The following MACF1 variants were observed in gnomAD, a reference collection of about 807,000 sequenced individuals.
MACF1 encodes the protein microtubule actin crosslinking factor 1, also known as microtubule-actin cross-linking factor 1.
A neutral mutation model predicts 854.8 loss-of-function variants in MACF1; 193 were observed. The observed-to-expected ratio is 0.23, with a 90% CI of 0.20 to 0.25. The LOEUF (loss-of-function observed/expected upper bound fraction) is 0.25. Among genes scored for constraint, MACF1 ranks in the 10% least tolerant of loss-of-function variants. MACF1 has a pLI of 1.00. For missense variants in MACF1, 7,722 were observed against 8,929.1 expected (o/e 0.86, Z 5.45); for synonymous variants, 3,185 against 3,226.7 (o/e 0.99, Z 0.44).
rs1286769134 is a variant in MACF1, at chr1:39,409,807, T to C, written c.15817-12567T>C. 6.5e-6 allele frequency: 1 copy of C among 154,778 alleles called. No individual in the cohort carries two copies. Among genetic ancestry groups the C allele is most frequent in the Non-Finnish European group, 1.4e-5 (1 of 69,920 alleles). The allele number at this position is 154,778 out of a possible 1,614,324, so 9.6% of individuals were successfully genotyped here. On this transcript the variant is annotated intron_variant, in intron 58 of 100. Transcript: ENST00000564288. The surrounding 1 kb of genome is among the most constrained non-coding windows in gnomAD (Gnocchi z 4.2). ...CTGAGGATAAAATGAAAGGAATTCT[T>C]AGGAGCTTGGGCCATACTTGAAGAC...
chr1:39,241,625 A>C (rs1413273925), intron 2 of MACF1, among the ~76,000 whole-genome samples: 2 of 137,178 alleles, frequency 1.5e-5, no homozygotes, highest in East Asian at 2.3e-4. Context: ...ACACCACTGC[A>C]TTCCGGCCTG....
Position 39,325,843 on chromosome 1 carries a change from G to A in MACF1, c.4478+1109G>A, listed in dbSNP as rs138476536. Among the ~76,000 whole-genome samples the A allele has an allele frequency of 2.9e-3, 435 of 152,306 alleles. 2 individuals are homozygous for A. The highest frequency in any genetic ancestry group is 0.01 in the African/African-American group (425 of 41,570). On this transcript the variant is annotated intron_variant, in intron 35 of 100. Coordinates refer to ENST00000564288, the MANE Select transcript of MACF1 (RefSeq NM_001394062.1). ...AGGTTTGTTGAAAGGATGGTGCCGA[G>A]GAGAAAGGAAGAGGGACTTGGCTGG...
chr1:39,357,672 A>C lies in MACF1; in HGVS notation c.11722A>C (p.Ser3908Arg). The stretch of plus-strand genomic sequence containing the variant: ...GCTGGAGAACATGCATAAGGGAGGC[A>C]GCAGCCCCGAGACCCTTCCCTCCCT... ...KELENMHKGG[S>R]SPETLPSLLK... is the part of the protein sequence containing the mutation. Residue 3908 changes from serine to arginine, a missense_variant, in exon 45 of 101, where the codon AGC becomes CGC. This residue lies in a region of MACF1 where 2,807 missense variants were observed against 3,235.8 expected (regional missense o/e 0.87). Transcript: ENST00000564288. 3.1e-6 allele frequency: 5 copies of C among 1,614,210 alleles called. No homozygotes were observed. Among genetic ancestry groups the C allele is most frequent in the Non-Finnish European group, 4.2e-6 (5 of 1,180,034 alleles).
At chr1:39,404,891 T>C (rs1642633821) in intron 58 of MACF1, among the ~76,000 whole-genome samples, 1 of 152,212 alleles carries the variant, frequency 6.6e-6, no homozygotes, top group Admixed American at 6.5e-5. Flanking sequence ...ATTCCCTCCA[T>C]AAAGCCTTCT....
chr1:39,316,541 T>C lies in MACF1; in HGVS notation c.3588+12T>C, dbSNP rs779081068. 1 of 1,608,522 alleles carries C rather than the reference T, an allele frequency of 6.2e-7. No individual in the cohort carries two copies. Among genetic ancestry groups the C allele is most frequent in the South Asian group, 1.1e-5 (1 of 90,328 alleles). On this transcript the variant is annotated intron_variant, in intron 28 of 100. Transcript: ENST00000564288. ...GGTCGACATTACGGGTGAGTTGCTC[T>C]GAGTTTCTTAGGAGGTTGACCTAAC... is the stretch of plus-strand genomic sequence containing the variant.
intron 80 of MACF1, 22 bp from the exon 81 acceptor site, chr1:39,447,410 G>C: frequency 1.2e-6 from 2 of 1,612,404 alleles, no homozygotes; most frequent in Admixed American, 1.7e-5. Flanking sequence ...TTCTGTGTGT[G>C]TGTGTTTTAC....
At chr1:39,288,995 G>A (rs1370655124) in intron 15 of MACF1, among the ~76,000 whole-genome samples, 5 of 152,136 alleles carry the variant, frequency 3.3e-5, no homozygotes, top group Admixed American at 2.0e-4. Flanking sequence ...TGCATTGTTT[G>A]TCTTTCTGTG....
intron 99 of MACF1, among the ~76,000 whole-genome samples, chr1:39,483,069 G>A (rs6691194): frequency 0.58 from 74,058 of 127,246 alleles, 22,563 homozygotes; most frequent in South Asian, 0.78. Flanking sequence ...TCTGGGTGAT[G>A]GAGCAAGACT....
chr1:39,324,785 G>T (rs764931917), intron 35 of MACF1, 51 bp downstream of exon 35: 32 of 1,362,954 alleles, frequency 2.3e-5, no homozygotes, highest in Non-Finnish European at 3.2e-5. Context: ...TGGTCTATCA[G>T]TCTAAAACTT....
At chr1:39,340,274 T>C (rs1646908353) in intron 38 of MACF1, among the ~76,000 whole-genome samples, 1 of 152,224 alleles carries the variant, frequency 6.6e-6, no homozygotes, top group Non-Finnish European at 1.5e-5. Context: ...ACATTTTTTT[T>C]TTAAGCAATG....
chr1:39,408,252 C>T (rs907020232), intron 58 of MACF1, among the ~76,000 whole-genome samples: 1 of 152,110 alleles, frequency 6.6e-6, no homozygotes, highest in Non-Finnish European at 1.5e-5. Context: ...CAGAGAAATC[C>T]TGGTGGGAGA....
At chr1:39,433,581 GT>G (rs940858699) in intron 68 of MACF1, among the ~76,000 whole-genome samples, 4 of 152,040 alleles carry the variant, frequency 2.6e-5, no homozygotes, top group Non-Finnish European at 5.9e-5. Flanking sequence ...ATTTCGTTTT[GT>G]TTTGTTTCAT....
chr1:39,449,379 T>C (rs1644288771), intron 84 of MACF1, among the ~76,000 whole-genome samples: 1 of 152,154 alleles, frequency 6.6e-6, no homozygotes, highest in East Asian at 1.9e-4. Context: ...TATTACAATA[T>C]TGCTACCCTA....
chr1:39,361,716 G>C, intron 49 of MACF1, 39 bp downstream of exon 49: 1 of 1,599,762 alleles, frequency 6.3e-7, no homozygotes, highest in Admixed American at 1.7e-5. Context: ...ATAAAGGGAA[G>C]AGAAGGGCAG....
At chr1:39,369,397 T>G (rs983096257) in intron 50 of MACF1, among the ~76,000 whole-genome samples, 3 of 152,198 alleles carry the variant, frequency 2.0e-5, no homozygotes, top group Non-Finnish European at 2.9e-5. Flanking sequence ...AAACCAACAT[T>G]ATTAGCAGCA....
Position 39,350,942 on chromosome 1 carries a change from T to C in MACF1, c.11123T>C (p.Leu3708Pro). The C allele has an allele frequency of 6.2e-7, 1 of 1,614,092 alleles. No individual in the cohort carries two copies. The highest frequency in any genetic ancestry group is 8.5e-7 in the Non-Finnish European group (1 of 1,179,998). Reference protein sequence around the residue: ...LHQAKEQYEALQEETRVAQKE... With the variant: ...LHQAKEQYEAPQEETRVAQKE... ...CAGGCTAAGGAGCAATATGAGGCGC[T>C]CCAGGAAGAGACACGTGTGGCCCAG... is the stretch of plus-strand genomic sequence containing the variant. The change falls in exon 43 of 101, where the codon CTC becomes CCC. Residue 3708 changes from leucine (L) to proline (P), a missense_variant. By Grantham distance (98) the Leu-to-Pro change is moderately conservative. This residue lies in a region of MACF1 where 2,807 missense variants were observed against 3,235.8 expected (regional missense o/e 0.87). Coordinates refer to ENST00000564288, the MANE Select transcript of MACF1 (RefSeq NM_001394062.1).
chr1:39,258,886 A>C (rs1192455536), intron 6 of MACF1, among the ~76,000 whole-genome samples: 1 of 152,134 alleles, frequency 6.6e-6, no homozygotes, highest in Non-Finnish European at 1.5e-5. Flanking sequence ...CTGAGAGAAA[A>C]ATCTGAGTGC....
At chr1:39,184,251 T>G (rs79527973) in intron 2 of MACF1, among the ~76,000 whole-genome samples, 2,973 of 152,326 alleles carry the variant, frequency 0.02, 53 homozygotes, top group Non-Finnish European at 0.029. Flanking sequence ...CATGGACTTC[T>G]TTTTCATGCA....
At chr1:39,479,522 C>T (rs1644976279) in intron 97 of MACF1, among the ~76,000 whole-genome samples, 1 of 152,134 alleles carries the variant, frequency 6.6e-6, no homozygotes, top group Non-Finnish European at 1.5e-5. Context: ...TGTGCTTACC[C>T]CAGGGACAGT....
Sources: gnomAD v4.1 joint callset for allele counts (sites outside exome capture counted in the v4.1 genomes callset) on GRCh38, gnomAD v4.1.1 for gene constraint, gnomAD v4.1.1 regional missense constraint, Gnocchi (gnomAD v3.1) non-coding constraint, MANE v1.5 for transcripts, NCBI Gene and HGNC (gene_info 2026-07-23, HGNC 2026-07-21) for gene names.